Variants in OPCML observed in about 807,000 individuals in gnomAD.
OPCML encodes the protein opioid binding protein/cell adhesion molecule like.
In OPCML, 13 loss-of-function variants were observed where a neutral mutation model predicts 37.8. The ratio of observed to expected loss-of-function variants is 0.34; its 90% CI spans 0.22 to 0.55. The LOEUF (loss-of-function observed/expected upper bound fraction) is 0.55, where lower values mean the gene tolerates loss of function less well. OPCML is among the 20% of genes least tolerant of loss of function. OPCML has a pLI of 0.91. For synonymous variants in OPCML, 176 were observed against 168.8 expected, an observed-to-expected ratio of 1.04 and a Z score of -0.33; for missense variants, 341 against 435.6, an observed-to-expected ratio of 0.78 and a Z score of 1.93.
chr11:132,772,996 A>T (rs1446237768), intron 2 of OPCML: 1 of 152,188 alleles, frequency 6.6e-6, no homozygotes, highest in Non-Finnish European at 1.5e-5. Flanking sequence ...ACGAAATCAG[A>T]ATTCGAGCCA....
intron 2 of OPCML, among the ~76,000 whole-genome samples, chr11:132,923,954 A>G (rs1434966852): frequency 2.0e-5 from 3 of 151,578 alleles, no homozygotes; most frequent in African/African-American, 7.3e-5. Flanking sequence ...GGAGAGATGG[A>G]GTTTCTCCAT....
chr11:132,966,391 T>C (rs1246299983), intron 1 of OPCML, among the ~76,000 whole-genome samples: 2 of 152,154 alleles, frequency 1.3e-5, no homozygotes, highest in Non-Finnish European at 2.9e-5. Flanking sequence ...CTACACTGTA[T>C]GATTTTGATC....
intron 7 of OPCML, among the ~76,000 whole-genome samples, chr11:132,431,521 G>A (rs1392578517): frequency 1.4e-5 from 2 of 145,770 alleles, no homozygotes; most frequent in Non-Finnish European, 3.2e-5. Context: ...TTGTGGCTCT[G>A]TGTGGGGAAG....
chr11:132,758,207 C>A (rs894664836), intron 2 of OPCML, among the ~76,000 whole-genome samples: 1 of 152,074 alleles, frequency 6.6e-6, no homozygotes, highest in East Asian at 1.9e-4. Flanking sequence ...GTTACTGTAG[C>A]CTTCTAGTAT....
intron 2 of OPCML, among the ~76,000 whole-genome samples, chr11:132,738,832 G>T (rs1945342670): frequency 6.6e-6 from 1 of 152,144 alleles, no homozygotes; most frequent in Non-Finnish European, 1.5e-5. Context: ...AGTAGCATGT[G>T]GTACCTTCAA....
chr11:132,607,993 T>C (rs1055761604), intron 3 of OPCML, among the ~76,000 whole-genome samples: 1 of 152,170 alleles, frequency 6.6e-6, no homozygotes, highest in Admixed American at 6.5e-5. Context: ...GTTCAAAACA[T>C]CTAGAGGAAA....
intron 1 of OPCML, among the ~76,000 whole-genome samples, chr11:133,198,624 T>C (rs748211264): frequency 6.6e-6 from 1 of 152,166 alleles, no homozygotes; most frequent in African/African-American, 2.4e-5. Flanking sequence ...AGAGGTGGAC[T>C]CACATCTATT....
In OPCML at chr11:133,434,608, A is replaced by T. The variant is rs370529073; in HGVS notation, c.61+97656T>A. Among the ~76,000 whole-genome samples, 446 of 152,036 alleles carry T rather than the reference A, an allele frequency of 2.9e-3. 4 individuals are homozygous for T. The highest frequency in any genetic ancestry group is 9.6e-3 in the African/African-American group (399 of 41,492). On this transcript the variant is annotated intron_variant, in intron 1 of 7. Coordinates refer to ENST00000524381, the MANE Select transcript of OPCML (RefSeq NM_001012393.5). ...GCAGCTGGGAAGGCCCAGGGCACCC[A>T]TTACCAAGTTTATCTGCTTAGCTCC...
chr11:133,406,835 G>A (rs1945537358), intron 1 of OPCML, among the ~76,000 whole-genome samples: 1 of 152,204 alleles, frequency 6.6e-6, no homozygotes, highest in African/African-American at 2.4e-5. Flanking sequence ...AGGAGTGGTG[G>A]AAACACACGC....
chr11:133,361,922 G>A (rs944936978), intron 1 of OPCML: 7 of 152,286 alleles, frequency 4.6e-5, no homozygotes, highest in Non-Finnish European at 1.0e-4. Context: ...AACCTTTGCA[G>A]CGCAGAGGCT....
intron 2 of OPCML, among the ~76,000 whole-genome samples, chr11:132,673,309 A>G (rs531617101): frequency 6.6e-6 from 1 of 152,124 alleles, no homozygotes; most frequent in East Asian, 1.9e-4. Flanking sequence ...GATGATGATG[A>G]TCGTGATGGT....
At chr11:133,061,916 G>A (rs1324291997) in intron 1 of OPCML, among the ~76,000 whole-genome samples, 1 of 152,062 alleles carries the variant, frequency 6.6e-6, no homozygotes, top group Non-Finnish European at 1.5e-5. Context: ...GGTGGGGGCT[G>A]AAAAGTTTGA....
At chr11:132,822,574 G>A (rs1004731005) in intron 2 of OPCML, among the ~76,000 whole-genome samples, 2 of 152,056 alleles carry the variant, frequency 1.3e-5, no homozygotes, top group African/African-American at 2.4e-5. Context: ...CTGGCCCAGG[G>A]GATGGTCCAG....
intron 4 of OPCML, among the ~76,000 whole-genome samples, chr11:132,455,912 T>G (rs1037767352): frequency 6.6e-6 from 1 of 152,192 alleles, no homozygotes; most frequent in Non-Finnish European, 1.5e-5. Flanking sequence ...CGTTAGTGGT[T>G]ATTGACTGTC....
chr11:132,733,852 A>G (rs935775898), intron 2 of OPCML, among the ~76,000 whole-genome samples: 1 of 152,178 alleles, frequency 6.6e-6, no homozygotes, highest in Non-Finnish European at 1.5e-5. Flanking sequence ...AGGAATCTCT[A>G]AAGTTGAAGG....
chr11:133,230,267 C>T (rs566357167), intron 1 of OPCML, among the ~76,000 whole-genome samples: 20 of 152,198 alleles, frequency 1.3e-4, no homozygotes, highest in Non-Finnish European at 2.1e-4. Flanking sequence ...CTCATGGTGT[C>T]ATGAAGCGTG....
At chr11:132,451,562 T>TA (rs1408789108) in intron 4 of OPCML, among the ~76,000 whole-genome samples, 5 of 152,010 alleles carry the variant, frequency 3.3e-5, no homozygotes, top group East Asian at 1.9e-4. Flanking sequence ...CAGGTAAAAA[T>TA]AAAAAATAGC....
At chr11:133,150,148 T>G (rs1276390356) in intron 1 of OPCML, among the ~76,000 whole-genome samples, 2 of 152,252 alleles carry the variant, frequency 1.3e-5, no homozygotes, top group African/African-American at 4.8e-5. Flanking sequence ...ATGTTTTCTG[T>G]GTCTTTATTC....
intron 1 of OPCML, among the ~76,000 whole-genome samples, chr11:133,288,395 T>C (rs892990663): frequency 2.0e-5 from 3 of 152,134 alleles, no homozygotes. Flanking sequence ...ATGGGCAAAT[T>C]CCTTAAGCTA....
Sources: allele counts gnomAD v4.1 joint callset (sites outside exome capture counted in the v4.1 genomes callset), GRCh38; gene constraint gnomAD v4.1.1; transcripts MANE v1.5; gene names NCBI Gene and HGNC (gene_info 2026-07-23, HGNC 2026-07-21).